DDX31: variants seen among roughly 807,000 people sequenced by gnomAD.
DDX31 encodes the protein ATP-dependent DNA helicase DDX31.
DDX31 carries 70 observed loss-of-function variants against 91.3 expected under a neutral mutation model. The observed-to-expected ratio is 0.77, with a 90% confidence interval of 0.63 to 0.94. DDX31 has a LOEUF of 0.94. Among genes scored for constraint, DDX31 ranks in the 40% least tolerant of loss-of-function variants. DDX31 has a pLI of 0.00. For synonymous variants in DDX31, 362 were observed against 350.6 expected (o/e 1.03, Z -0.36); for missense variants, 902 against 925.0 (o/e 0.98, Z 0.32).
intron 14 of DDX31, among the ~76,000 whole-genome samples, chr9:132,636,569 G>A (rs370693701): frequency 8.3e-4 from 127 of 152,260 alleles, no homozygotes; most frequent in African/African-American, 3.0e-3. Flanking sequence ...CAAACACAGC[G>A]CAACAGTGAG....
chr9:132,640,500 C>T lies in DDX31; in HGVS notation c.1440+1504G>A, dbSNP rs796491929. ...GGATTTTTGACAAATTTCTTTCCCC[C>T]GCTTTTTTTCTTTTGAGACAAGGTC... On this transcript the variant is annotated intron_variant, in intron 14 of 19. Coordinates refer to ENST00000372159, the MANE Select transcript of DDX31 (RefSeq NM_022779.9). Among the ~76,000 whole-genome samples, 48 of 152,208 alleles carry T rather than the reference C, an allele frequency of 3.2e-4. 1 individual carries two copies. Among genetic ancestry groups the T allele is most frequent in the African/African-American group, 9.6e-4 (40 of 41,534 alleles).
At chr9:132,635,344 T>A (rs1833039353) in intron 14 of DDX31, among the ~76,000 whole-genome samples, 1 of 152,132 alleles carries the variant, frequency 6.6e-6, no homozygotes, top group African/African-American at 2.4e-5. Context: ...CCTTGATGAC[T>A]CTTTAAGTCT....
rs997068898 is a variant in DDX31 at position 132,594,038 on chromosome 9, G to A, written c.*828C>T. On this transcript the variant is annotated 3_prime_UTR_variant, in exon 20 of 20. Transcript: ENST00000372159. ...AGGGGCAGGGCGGGGTGGGTCGGGG[G>A]CGGGGGGCGGGCAGCTGTGGCCTGG... The A allele has an allele frequency of 6.8e-6, 1 of 147,986 alleles. No individual in the cohort carries two copies. Among genetic ancestry groups the A allele is most frequent in the Non-Finnish European group, 1.5e-5 (1 of 66,904 alleles). 9.2% of individuals were successfully genotyped at this position (147,986 alleles called of 1,614,324 possible). A position where few individuals can be genotyped will look rare whatever the true frequency, so the allele number is the denominator to read the frequency against.
intron 16 of DDX31, among the ~76,000 whole-genome samples, chr9:132,629,877 A>G (rs531799036): frequency 2.0e-5 from 3 of 152,352 alleles, no homozygotes; most frequent in Admixed American, 2.0e-4. Flanking sequence ...TGTGATGAGT[A>G]AAAAGCATTA....
At chr9:132,652,624 GC>G in intron 6 of DDX31, 132 bp from the exon 7 acceptor site, 1 of 1,155,390 alleles carries the variant, frequency 8.7e-7, no homozygotes, top group Non-Finnish European at 1.2e-6. Context: ...AAATAAGGTT[GC>G]CCACTGATGT....
chr9:132,633,338 C>T (rs980584097), intron 14 of DDX31, among the ~76,000 whole-genome samples: 1 of 152,070 alleles, frequency 6.6e-6, no homozygotes, highest in Admixed American at 6.5e-5. Context: ...GCTCTTGACC[C>T]AGAGCAGTAT....
chr9:132,668,445 C>T (rs989164152), intron 1 of DDX31, among the ~76,000 whole-genome samples: 1 of 152,114 alleles, frequency 6.6e-6, no homozygotes, highest in Non-Finnish European at 1.5e-5. Context: ...CTCATGGCGA[C>T]CAAAAGAGTT....
At chr9:132,607,272 A>G (rs1340529380) in intron 19 of DDX31, among the ~76,000 whole-genome samples, 1 of 152,228 alleles carries the variant, frequency 6.6e-6, no homozygotes, top group African/African-American at 2.4e-5. Flanking sequence ...GGGGTAAGAG[A>G]GCCCCAGCTT....
chr9:132,652,817 T>C (rs1315479680), intron 6 of DDX31, among the ~76,000 whole-genome samples: 5 of 152,158 alleles, frequency 3.3e-5, no homozygotes, highest in African/African-American at 4.8e-5. Flanking sequence ...GTTTCTGCTT[T>C]TGCGTCTTCC....
intron 14 of DDX31, among the ~76,000 whole-genome samples, chr9:132,632,951 T>A (rs939788690): frequency 6.6e-6 from 1 of 152,218 alleles, no homozygotes; most frequent in Non-Finnish European, 1.5e-5. Context: ...AGCATACATC[T>A]GTACTCAGCA....
At chr9:132,646,203 A>G in intron 12 of DDX31, 132 bp from the exon 13 acceptor site, 1 of 978,682 alleles carries the variant, frequency 1.0e-6, no homozygotes, top group South Asian at 1.9e-5. Flanking sequence ...TGAATTATTT[A>G]AAAAAACAAA....
At position 132,662,463 on chromosome 9, in the gene DDX31, T is replaced by A; in HGVS notation, c.308A>T (p.Asn103Ile). Residue 103 changes from asparagine to isoleucine, a missense_variant, in exon 2 of 20, where the codon AAC (asparagine) becomes ATC (isoleucine). Transcript: ENST00000372159. ...CCTGTGGAGTTCTGGAATGTCAGGG[T>A]TGTTTTTAAACAGTGATGAAGTCTT... ...CIKTSSLFKN[N>I]PDIPELHRPV... The A allele has an allele frequency of 6.2e-7, 1 of 1,614,216 alleles. No homozygotes were observed. Among genetic ancestry groups the A allele is most frequent in the Non-Finnish European group, 8.5e-7 (1 of 1,180,026 alleles).
intron 19 of DDX31, among the ~76,000 whole-genome samples, chr9:132,598,095 T>A (rs1243594438): frequency 6.6e-6 from 1 of 152,132 alleles, no homozygotes; most frequent in African/African-American, 2.4e-5. Flanking sequence ...AGCCCAGACC[T>A]CTTCCTTAGG....
intron 19 of DDX31, among the ~76,000 whole-genome samples, chr9:132,607,881 C>T (rs962593632): frequency 6.6e-6 from 1 of 152,160 alleles, no homozygotes; most frequent in Non-Finnish European, 1.5e-5. Context: ...CCATTTTCCA[C>T]AGAGTGGCAG....
chr9:132,601,058 A>G (rs1830695358), intron 19 of DDX31, among the ~76,000 whole-genome samples: 1 of 152,234 alleles, frequency 6.6e-6, no homozygotes, highest in South Asian at 2.1e-4. Flanking sequence ...TTATGATTAC[A>G]CACTGAAAAT....
At chr9:132,660,257 C>T (rs1265098003) in intron 4 of DDX31, among the ~76,000 whole-genome samples, 1 of 151,500 alleles carries the variant, frequency 6.6e-6, no homozygotes, top group African/African-American at 2.4e-5. Flanking sequence ...ATCGCTTGAA[C>T]CTGGGAGGCA....
chr9:132,637,011 A>G (rs1833160186), intron 14 of DDX31, among the ~76,000 whole-genome samples: 1 of 152,202 alleles, frequency 6.6e-6, no homozygotes, highest in Non-Finnish European at 1.5e-5. Context: ...CTTCAGACCT[A>G]TAAATCTCAG....
At chr9:132,656,714 C>A (rs1481924231) in intron 6 of DDX31, among the ~76,000 whole-genome samples, 1 of 152,190 alleles carries the variant, frequency 6.6e-6, no homozygotes, top group Non-Finnish European at 1.5e-5. Flanking sequence ...AGTCATGGAT[C>A]TATGAAATTA....
chr9:132,598,079 T>A (rs181519126), intron 19 of DDX31, among the ~76,000 whole-genome samples: 1 of 152,012 alleles, frequency 6.6e-6, no homozygotes, highest in Non-Finnish European at 1.5e-5. Flanking sequence ...GAGGGTGGCA[T>A]TTTCTAGCCC....
Sources: gnomAD v4.1 joint callset for allele counts (sites outside exome capture counted in the v4.1 genomes callset) on GRCh38, gnomAD v4.1.1 for gene constraint, MANE v1.5 for transcripts, NCBI Gene and HGNC (gene_info 2026-07-23, HGNC 2026-07-21) for gene names.